CACNA1H: variants seen among roughly 807,000 people sequenced by gnomAD.
The protein encoded by CACNA1H is calcium voltage-gated channel subunit alpha1 H.
A neutral mutation model predicts 192.5 loss-of-function variants in CACNA1H; 149 were observed. The ratio of observed to expected loss-of-function variants is 0.77; its 90% confidence interval spans 0.68 to 0.89. The LOEUF (loss-of-function observed/expected upper bound fraction) is 0.89. Among genes scored for constraint, CACNA1H ranks in the 40% least tolerant of loss-of-function variants. The probability of loss-of-function intolerance (pLI) is 0.00; values close to 1 mark genes in which losing one functional copy is unlikely to be tolerated. For missense variants in CACNA1H, 4,257 were observed against 3,423.5 expected (o/e 1.24, Z -6.08); for synonymous variants, 2,202 against 1,475.2 (o/e 1.49, Z -11.29).
intron 2 of CACNA1H, among the ~76,000 whole-genome samples, chr16:1,164,186 G>A (rs982643959): frequency 6.6e-6 from 1 of 152,156 alleles, no homozygotes; most frequent in Non-Finnish European, 1.5e-5. Flanking sequence ...GTTATGTTTG[G>A]ATTTCAGTTA....
At chr16:1,195,809 G>A (rs991609784) in intron 4 of CACNA1H, 117 bp from the exon 5 acceptor site, 1 of 940,154 alleles carries the variant, frequency 1.1e-6, no homozygotes, top group Admixed American at 1.9e-5. Flanking sequence ...CCAGTACAAG[G>A]TCCTCCGGGT....
chr16:1,197,459 C>G (rs1475532373), intron 5 of CACNA1H, among the ~76,000 whole-genome samples: 1 of 152,220 alleles, frequency 6.6e-6, no homozygotes, highest in Non-Finnish European at 1.5e-5. Context: ...CTAATTGTCG[C>G]CAGCAGCCTG....
At chr16:1,172,832 C>T (rs571166366) in intron 2 of CACNA1H, among the ~76,000 whole-genome samples, 1 of 152,250 alleles carries the variant, frequency 6.6e-6, no homozygotes, top group African/African-American at 2.4e-5. Flanking sequence ...GCTGGGAGGA[C>T]TCACGGCTTT....
chr16:1,205,531 C>T (rs147505148), intron 11 of CACNA1H, among the ~76,000 whole-genome samples: 5 of 152,322 alleles, frequency 3.3e-5, no homozygotes, highest in African/African-American at 9.6e-5. Flanking sequence ...TTTCTAGAAA[C>T]TAGCGGAGCT....
chr16:1,218,675 T>C (rs753009982), intron 33 of CACNA1H, 24 bp downstream of exon 33: 7 of 1,284,214 alleles, frequency 5.5e-6, no homozygotes, highest in Admixed American at 2.6e-5. Flanking sequence ...CAGGAAGATA[T>C]GGGCTGGGTG....
chr16:1,182,428 G>A (rs562694901), intron 2 of CACNA1H, among the ~76,000 whole-genome samples: 1 of 152,214 alleles, frequency 6.6e-6, no homozygotes, highest in East Asian at 1.9e-4. Context: ...TGGGCTCCCC[G>A]CACCCCTGCG....
At chr16:1,219,833 C>A in intron 34 of CACNA1H, 148 bp from the exon 35 acceptor site, 1 of 499,706 alleles carries the variant, frequency 2.0e-6, no homozygotes, top group Non-Finnish European at 3.2e-6. Context: ...CAGCGGCTTC[C>A]AGCCCCATCT....
chr16:1,170,890 G>A (rs1002308815), intron 2 of CACNA1H, among the ~76,000 whole-genome samples: 4 of 152,154 alleles, frequency 2.6e-5, no homozygotes, highest in Admixed American at 1.3e-4. Context: ...CGCCAACCCC[G>A]CATTGTCTGC....
Position 1,221,220 on chromosome 16 carries a change from G to C in CACNA1H, c.*226G>C. On this transcript the variant is annotated 3_prime_UTR_variant, in exon 35 of 35. Transcript: ENST00000348261. ...TCTGGTTCGGGTTTCTCCGAGTTTT[G>C]CTACCAGCCGAGGCTGTGCGGGCAA... The C allele has an allele frequency of 2.0e-6, 1 of 512,386 alleles. No homozygotes were observed. Among genetic ancestry groups the C allele is most frequent in the Admixed American group, 3.6e-5 (1 of 28,012 alleles). 31.7% of individuals were successfully genotyped at this position (512,386 alleles called of 1,614,324 possible). A position where few individuals can be genotyped will look rare whatever the true frequency, so the allele number is the denominator to read the frequency against.
At chr16:1,164,936 T>G (rs1474817501) in intron 2 of CACNA1H, among the ~76,000 whole-genome samples, 1 of 151,996 alleles carries the variant, frequency 6.6e-6, no homozygotes, top group African/African-American at 2.4e-5. Flanking sequence ...TTGGCAGATG[T>G]GTGTTTTCTC....
intron 2 of CACNA1H, among the ~76,000 whole-genome samples, chr16:1,172,626 C>A (rs563249952): frequency 6.6e-6 from 1 of 152,150 alleles, no homozygotes; most frequent in Non-Finnish European, 1.5e-5. Context: ...TGTAATTAAA[C>A]GATTTATTAT....
At chr16:1,216,035 C>G (rs926211339) in intron 30 of CACNA1H, among the ~76,000 whole-genome samples, 1 of 152,140 alleles carries the variant, frequency 6.6e-6, no homozygotes, top group African/African-American at 2.4e-5. Context: ...TTTCTGTCCT[C>G]CAAGGCCAAG....
At chr16:1,206,950 C>A in intron 12 of CACNA1H, 51 bp from the exon 13 acceptor site, 3 of 517,312 alleles carry the variant, frequency 5.8e-6, no homozygotes, top group Non-Finnish European at 9.9e-6. Flanking sequence ...CCTTCTTCCG[C>A]TCAGCACACC....
intron 2 of CACNA1H, among the ~76,000 whole-genome samples, chr16:1,182,247 C>CT (rs1965551738): frequency 6.6e-6 from 1 of 152,204 alleles, no homozygotes; most frequent in Non-Finnish European, 1.5e-5. Context: ...TGGGTGCAGC[C>CT]TGGCGGACAT....
rs143249487 is a variant in CACNA1H, at chr16:1,205,527, G to A, written c.2603+262G>A. Among the ~76,000 whole-genome samples, 1,110 of 152,310 alleles carry A rather than the reference G, an allele frequency of 7.3e-3. 6 individuals carry two copies. The highest frequency in any genetic ancestry group is 0.012 in the Non-Finnish European group (833 of 68,000). ...GTCAGCTGCGTCTCAGATGTTTCTA[G>A]AAACTAGCGGAGCTGTTTCCTGCAG... On this transcript the variant is annotated intron_variant, in intron 11 of 34. Coordinates refer to ENST00000348261, the MANE Select transcript of CACNA1H (RefSeq NM_021098.3).
chr16:1,153,651 A>C (rs1961878115), intron 1 of CACNA1H, 69 bp from the exon 2 acceptor site: 4 of 987,368 alleles, frequency 4.1e-6, no homozygotes, highest in Non-Finnish European at 1.3e-6. Flanking sequence ...CTGTTCCCGC[A>C]GCTCCGCGCC....
chr16:1,156,593 T>C (rs895765453), intron 2 of CACNA1H, among the ~76,000 whole-genome samples: 1 of 152,108 alleles, frequency 6.6e-6, no homozygotes, highest in African/African-American at 2.4e-5. Flanking sequence ...AAGAGGGTGC[T>C]TCCTGGGCCT....
intron 18 of CACNA1H, 90 bp downstream of exon 18, chr16:1,210,225 G>C (rs1434568031): frequency 7.8e-7 from 1 of 1,290,082 alleles, no homozygotes; most frequent in Admixed American, 2.0e-5. Context: ...CTAGCACATG[G>C]TGGATATTTC....
chr16:1,171,469 G>C (rs1025841942), intron 2 of CACNA1H, among the ~76,000 whole-genome samples: 3 of 152,224 alleles, frequency 2.0e-5, no homozygotes, highest in African/African-American at 7.2e-5. Flanking sequence ...GCAGAGCCTG[G>C]AGCCCGGAGG....
Sources: allele counts gnomAD v4.1 joint callset (sites outside exome capture counted in the v4.1 genomes callset), GRCh38; gene constraint gnomAD v4.1.1; transcripts MANE v1.5; gene names NCBI Gene and HGNC (gene_info 2026-07-23, HGNC 2026-07-21).